PCDH11X: variants seen among roughly 807,000 people sequenced by gnomAD.
The protein encoded by PCDH11X is protocadherin-11 X-linked.
Under a neutral mutation model 53.3 loss-of-function variants are expected in PCDH11X, and 18 were observed. The observed-to-expected ratio is 0.34, with a 90% CI of 0.23 to 0.50. The LOEUF is 0.50. PCDH11X is among the 20% of genes least tolerant of loss of function. The probability of loss-of-function intolerance (pLI) is 0.98; values close to 1 mark genes in which losing one functional copy is unlikely to be tolerated. For missense variants in PCDH11X, 570 were observed against 1,032.4 expected (o/e 0.55, Z 6.14); for synonymous variants, 279 against 393.3 (o/e 0.71, Z 3.44).
intron 6 of PCDH11X, among the ~76,000 whole-genome samples, chrX:92,018,803 T>C (rs1043437261): frequency 8.9e-6 from 1 of 112,606 alleles, no homozygotes; most frequent in African/African-American, 3.2e-5. Flanking sequence ...AACAGTCTCA[T>C]TGCCTGTGTT....
chrX:92,190,962 A>G (rs2066182261), intron 6 of PCDH11X, among the ~76,000 whole-genome samples: 2 of 112,006 alleles, frequency 1.8e-5, no homozygotes, highest in South Asian at 7.3e-4. Context: ...ATTATAATGT[A>G]ATAATATGCA....
chrX:91,906,825 A>G (rs5941026), intron 6 of PCDH11X, among the ~76,000 whole-genome samples: 51,327 of 109,468 alleles, frequency 0.47, 8,811 homozygotes, highest in East Asian at 0.66. Context: ...TTAAATTAAC[A>G]AAGAATCATG....
intron 9 of PCDH11X, among the ~76,000 whole-genome samples, chrX:92,393,127 G>T (rs1353194933): frequency 9.1e-6 from 1 of 110,244 alleles, no homozygotes; most frequent in African/African-American, 3.3e-5. Flanking sequence ...ACAATAAAAA[G>T]AAAAGTGAAT....
intron 6 of PCDH11X, among the ~76,000 whole-genome samples, chrX:92,162,087 A>G (rs1195302435): frequency 3.5e-5 from 3 of 85,935 alleles, no homozygotes; most frequent in African/African-American, 4.5e-5. Flanking sequence ...GGGGAGTGTT[A>G]AAAAACCTTG....
intron 1 of PCDH11X, among the ~76,000 whole-genome samples, chrX:91,791,076 A>G (rs1164219574): frequency 1.9e-5 from 2 of 104,982 alleles, no homozygotes; most frequent in Non-Finnish European, 3.9e-5. Flanking sequence ...AGTGAGATAA[A>G]GGGCCAATTG....
At chrX:92,245,067 A>G (rs2067323274) in intron 7 of PCDH11X, among the ~76,000 whole-genome samples, 1 of 112,523 alleles carries the variant, frequency 8.9e-6, no homozygotes, top group Non-Finnish European at 1.9e-5. Context: ...ATAAACTGGG[A>G]AAAAAGGAGA....
intron 8 of PCDH11X, among the ~76,000 whole-genome samples, chrX:92,369,047 T>A (rs773387817): frequency 1.2e-5 from 1 of 80,642 alleles, no homozygotes; most frequent in South Asian, 5.2e-4. Flanking sequence ...AATCCCTTTT[T>A]ATCAGGATCA....
At chrX:91,993,383 C>T (rs2062358233) in intron 6 of PCDH11X, among the ~76,000 whole-genome samples, 1 of 112,168 alleles carries the variant, frequency 8.9e-6, no homozygotes, top group South Asian at 3.7e-4. Context: ...AGCAGATGAA[C>T]AGAAATTGGA....
chrX:92,574,645 G>A, intron 10 of PCDH11X, among the ~76,000 whole-genome samples: 1 of 110,921 alleles, frequency 9.0e-6, no homozygotes, highest in Non-Finnish European at 1.9e-5. Flanking sequence ...TTTTAATATT[G>A]TCATCTAGTG....
At chrX:92,005,928 A>G (rs950683410) in intron 6 of PCDH11X, among the ~76,000 whole-genome samples, 2 of 110,917 alleles carry the variant, frequency 1.8e-5, no homozygotes, top group Non-Finnish European at 3.8e-5. Flanking sequence ...ATGTCATGCC[A>G]CTCTCCCCTT....
intron 8 of PCDH11X, among the ~76,000 whole-genome samples, chrX:92,375,912 G>A (rs1424610149): frequency 5.4e-5 from 6 of 111,968 alleles, no homozygotes; most frequent in South Asian, 7.4e-4. Context: ...GTGAGCCACC[G>A]TGCCTGGCCT....
At chrX:91,781,479 C>T (rs1368788200) in intron 1 of PCDH11X, among the ~76,000 whole-genome samples, 1 of 112,917 alleles carries the variant, frequency 8.9e-6, no homozygotes, top group Non-Finnish European at 1.9e-5. Context: ...CCTAGGCCCC[C>T]TAAAAAGTAA....
intron 6 of PCDH11X, among the ~76,000 whole-genome samples, chrX:91,944,262 A>G (rs1383817696): frequency 3.0e-5 from 3 of 99,029 alleles, no homozygotes; most frequent in African/African-American, 1.1e-4. Context: ...GTTTAGCTTG[A>G]AATTCTTATA....
intron 6 of PCDH11X, among the ~76,000 whole-genome samples, chrX:92,118,942 C>T (rs12859379): frequency 9.3e-6 from 1 of 107,264 alleles, no homozygotes; most frequent in Non-Finnish European, 1.9e-5. Context: ...GGGGTTTCAC[C>T]GTGTTAGCCA....
At chrX:92,359,521 T>G (rs769167765) in intron 8 of PCDH11X, among the ~76,000 whole-genome samples, 1 of 110,706 alleles carries the variant, frequency 9.0e-6, no homozygotes, top group South Asian at 3.8e-4. Context: ...CATGTCTCTA[T>G]GATAAAATTC....
chrX:92,436,202 G>A (rs36007047), intron 9 of PCDH11X, among the ~76,000 whole-genome samples: 11,531 of 106,518 alleles, frequency 0.11, 523 homozygotes, highest in Middle Eastern at 0.17. Context: ...ACATACATGT[G>A]GCCAGCAGGC....
intron 10 of PCDH11X, among the ~76,000 whole-genome samples, chrX:92,591,062 G>A (rs1209386577): frequency 8.9e-6 from 1 of 112,015 alleles, no homozygotes; most frequent in African/African-American, 3.2e-5. Context: ...GTTTTGTTAT[G>A]TGTATTTTGT....
At chrX:92,217,972 G>C (rs965711496) in intron 7 of PCDH11X, among the ~76,000 whole-genome samples, 2 of 108,273 alleles carry the variant, frequency 1.8e-5, no homozygotes, top group African/African-American at 3.4e-5. Context: ...ATAACGAAAT[G>C]AAGGCAGAAA....
At position 92,618,646 on chromosome X, in the gene PCDH11X, A is replaced by G; in HGVS notation, c.3750A>G (p.Ala1250=). The change falls in exon 11 of 11, where the codon GCA becomes GCG. Residue 1250 remains alanine (A), a synonymous_variant. Coordinates refer to ENST00000682573, the MANE Select transcript of PCDH11X (RefSeq NM_032968.5). The part of the protein sequence containing the change: ...ASALCYSPPL[A]QAAAISHSSP... ...CCCTCTGCTACAGCCCTCCTTTAGC[A>G]CAGGCTGCTGCAATCAGCCACAGCT... The G allele has an allele frequency of 8.3e-7, 1 of 1,211,940 alleles. No individual in the cohort carries two copies. The highest frequency in any genetic ancestry group is 1.1e-6 in the Non-Finnish European group (1 of 895,499).
Sources: allele counts gnomAD v4.1 joint callset (sites outside exome capture counted in the v4.1 genomes callset), GRCh38; gene constraint gnomAD v4.1.1; transcripts MANE v1.5; gene names NCBI Gene and HGNC (gene_info 2026-07-23, HGNC 2026-07-21).